SENP5: variants seen among roughly 807,000 people sequenced by gnomAD.
SENP5 encodes SUMO specific peptidase 5.
A neutral mutation model predicts 74.2 loss-of-function variants in SENP5; 21 were observed. The ratio of observed to expected loss-of-function variants is 0.28; its 90% CI spans 0.20 to 0.41. The LOEUF (loss-of-function observed/expected upper bound fraction) is 0.41. Among genes scored for constraint, SENP5 ranks in the 10% least tolerant of loss-of-function variants. The probability of loss-of-function intolerance (pLI) is 1.00; values close to 1 mark genes in which losing one functional copy is unlikely to be tolerated. For synonymous variants in SENP5, 311 were observed against 312.7 expected (o/e 0.99, Z 0.06); for missense variants, 717 against 889.1 (o/e 0.81, Z 2.46).
chr3:196,930,973 G>T lies in SENP5; in HGVS notation c.*50G>T. 1.7e-6 allele frequency: 2 copies of T among 1,166,436 alleles called. No individual in the cohort carries two copies. Among genetic ancestry groups the T allele is most frequent in the South Asian group, 1.2e-5 (1 of 81,232 alleles). The allele number at this position is 1,166,436 out of a possible 1,614,324, so 72.3% of individuals were successfully genotyped here. ...CTGACCAAGTTGGAGCAGATGGTTT[G>T]TTACTTGAATCTCCAAACACTTAGT... On this transcript the variant is annotated 3_prime_UTR_variant, in exon 10 of 10. Coordinates refer to ENST00000323460, the MANE Select transcript of SENP5 (RefSeq NM_152699.5).
chr3:196,903,569 G>A lies in SENP5; in HGVS notation c.1843G>A (p.Val615Ile). The A allele has an allele frequency of 1.2e-6, 2 of 1,609,026 alleles. No homozygotes were observed. Among genetic ancestry groups the A allele is most frequent in the East Asian group, 2.2e-5 (1 of 44,828 alleles). The change falls in exon 6 of 10, where the codon GTA becomes ATA. Residue 615 changes from valine (V) to isoleucine (I), a missense_variant. Val to Ile is a conservative substitution (Grantham distance 29). Around this residue, in one of 4 missense-constraint regions of SENP5, gnomAD observed 85 missense variants for 188.9 expected, o/e 0.45. Transcript: ENST00000323460. The part of the protein sequence containing the change: ...FFNSFFHRQL[V>I]TKGYNGVKRW... ...CAACAGCTTTTTTCATAGACAGCTG[G>A]TAACCAAAGGATATAATGGAGTAAA... is the stretch of plus-strand genomic sequence containing the variant.
intron 1 of SENP5, among the ~76,000 whole-genome samples, chr3:196,877,039 G>A (rs994110978): frequency 6.6e-6 from 1 of 152,022 alleles, no homozygotes; most frequent in Non-Finnish European, 1.5e-5. Context: ...TTTGCTTTTG[G>A]CTGGGCATGG....
At chr3:196,896,486 G>T (rs56318472) in intron 2 of SENP5, among the ~76,000 whole-genome samples, 1 of 151,954 alleles carries the variant, frequency 6.6e-6, no homozygotes, top group African/African-American at 2.4e-5. Context: ...ATGAGGTCTC[G>T]CTCTGTTGCC....
intron 1 of SENP5, among the ~76,000 whole-genome samples, chr3:196,876,362 A>C (rs1460976174): frequency 2.0e-5 from 3 of 152,050 alleles, no homozygotes; most frequent in African/African-American, 7.2e-5. Flanking sequence ...TCTCTACTAA[A>C]AATACAAAAA....
intron 1 of SENP5, among the ~76,000 whole-genome samples, chr3:196,870,804 C>T (rs542239166): frequency 6.6e-6 from 1 of 152,130 alleles, no homozygotes; most frequent in East Asian, 1.9e-4. Flanking sequence ...AGGTGTGAGC[C>T]ACTGTATCCG....
rs61689704 is a variant in SENP5, at chr3:196,929,421, C to T, written c.2107-212C>T. On this transcript the variant is annotated intron_variant, in intron 8 of 9. Coordinates refer to ENST00000323460, the MANE Select transcript of SENP5 (RefSeq NM_152699.5). ...TCCCATTTCTCATATTTAGGTAAAA[C>T]ATTGTCCTATAAATTGGGGTTGCCA... 5.5e-3 allele frequency: 2,641 copies of T among 480,312 alleles called. 41 individuals carry two copies. Among genetic ancestry groups the T allele is most frequent in the African/African-American group, 0.04 (1,945 of 49,072 alleles). 29.8% of individuals were successfully genotyped at this position (480,312 alleles called of 1,614,324 possible).
intron 6 of SENP5, among the ~76,000 whole-genome samples, chr3:196,908,567 T>C (rs1251106371): frequency 2.0e-5 from 3 of 152,174 alleles, no homozygotes; most frequent in African/African-American, 4.8e-5. Flanking sequence ...CTCATGCCTG[T>C]AATCCCAGCA....
intron 2 of SENP5, among the ~76,000 whole-genome samples, chr3:196,896,699 C>T (rs148791030): frequency 8.8e-4 from 134 of 152,172 alleles, no homozygotes; most frequent in African/African-American, 2.9e-3. Context: ...GTGATCCACC[C>T]GCCTTCCAAA....
In SENP5 at chr3:196,897,975, C is replaced by G. The variant is rs112006335; in HGVS notation, c.1514-1691C>G. Among the ~76,000 whole-genome samples, 1,072 of 151,326 alleles carry G rather than the reference C, an allele frequency of 7.1e-3. 10 individuals carry two copies. The highest frequency in any genetic ancestry group is 0.025 in the African/African-American group (1,016 of 41,214). Reference sequence around the variant, plus strand: ...TCACCTGAGGTCAGGAGTTCGAGACCAGCCTGGCCAACATGGTGAAACCCC... The same window carrying G: ...TCACCTGAGGTCAGGAGTTCGAGACGAGCCTGGCCAACATGGTGAAACCCC... On this transcript the variant is annotated intron_variant, in intron 2 of 9. Coordinates refer to ENST00000323460, the MANE Select transcript of SENP5 (RefSeq NM_152699.5).
Position 196,931,892 on chromosome 3 carries a change from A to T in SENP5, c.*969A>T. 2.2e-6 allele frequency: 1 copy of T among 453,552 alleles called. No homozygotes were observed. The highest frequency in any genetic ancestry group is 2.4e-5 in the Admixed American group (1 of 41,922). 28.1% of individuals were successfully genotyped at this position (453,552 alleles called of 1,614,324 possible). A position where few individuals can be genotyped will look rare whatever the true frequency, so the allele number is the denominator to read the frequency against. On this transcript the variant is annotated 3_prime_UTR_variant, in exon 10 of 10. Transcript: ENST00000323460. ...CGTAAACATTCAAAACTGAAGGCTG[A>T]CTGACTTGAGATGTTTTGCAGGTGG...
chr3:196,918,177 G>A (rs1201353255), intron 6 of SENP5, among the ~76,000 whole-genome samples: 2 of 151,592 alleles, frequency 1.3e-5, no homozygotes, highest in African/African-American at 2.4e-5. Context: ...CGCGGTGGCG[G>A]GCGCCTGTAG....
At chr3:196,874,941 T>C (rs1252422235) in intron 1 of SENP5, among the ~76,000 whole-genome samples, 1 of 152,194 alleles carries the variant, frequency 6.6e-6, no homozygotes, top group East Asian at 1.9e-4. Context: ...CTTCTACCTT[T>C]TACAAATTCT....
In SENP5 at chr3:196,903,616, C is replaced by G; in HGVS notation, c.1884+6C>G. 6.5e-7 allele frequency: 1 copy of G among 1,542,934 alleles called. No individual in the cohort carries two copies. Among genetic ancestry groups the G allele is most frequent in the South Asian group, 1.2e-5 (1 of 84,856 alleles). On this transcript the variant is annotated splice_donor_region_variant and intron_variant, in intron 6 of 9. Coordinates refer to ENST00000323460, the MANE Select transcript of SENP5 (RefSeq NM_152699.5). ...TAAAAAGATGGACTAAAAAGGTATT[C>G]TCTTTATTTCTTTTTTATTCCAAAT...
intron 2 of SENP5, among the ~76,000 whole-genome samples, chr3:196,893,667 T>C (rs1714309848): frequency 6.6e-6 from 1 of 152,136 alleles, no homozygotes; most frequent in Non-Finnish European, 1.5e-5. Flanking sequence ...CCCAGCACTT[T>C]GGGAGGCCGA....
At chr3:196,901,574 A>G (rs559369974) in intron 5 of SENP5, among the ~76,000 whole-genome samples, 1 of 152,322 alleles carries the variant, frequency 6.6e-6, no homozygotes, top group South Asian at 2.1e-4. Context: ...CAAGTGCTGT[A>G]TAAAACTTAC....
In SENP5 at chr3:196,867,984, C is replaced by T. The variant is rs1340572244; in HGVS notation, c.-121C>T. Reference sequence around the variant, plus strand: ...GACGCCTCGTCGCTGGCGGGGCTTCCCTTGGAGCTGACGAAGGCGGGGTCC... The same window carrying T: ...GACGCCTCGTCGCTGGCGGGGCTTCTCTTGGAGCTGACGAAGGCGGGGTCC... On this transcript the variant is annotated 5_prime_UTR_variant, in exon 1 of 10. Coordinates refer to ENST00000323460, the MANE Select transcript of SENP5 (RefSeq NM_152699.5). 2 of 152,116 alleles carry T rather than the reference C, an allele frequency of 1.3e-5. No homozygotes were observed. The highest frequency in any genetic ancestry group is 2.9e-5 in the Non-Finnish European group (2 of 68,010). The allele number at this position is 152,116 out of a possible 1,614,324, so 9.4% of individuals were successfully genotyped here. A position where few individuals can be genotyped will look rare whatever the true frequency, so the allele number is the denominator to read the frequency against.
chr3:196,914,218 C>CA (rs1344555514), intron 6 of SENP5: 2 of 152,084 alleles, frequency 1.3e-5, no homozygotes, highest in African/African-American at 4.8e-5. Flanking sequence ...TGACCTGTTA[C>CA]AGCACAGAAG....
intron 6 of SENP5, among the ~76,000 whole-genome samples, chr3:196,918,164 G>A (rs796177783): frequency 2.6e-4 from 40 of 151,918 alleles, no homozygotes; most frequent in African/African-American, 8.5e-4. Context: ...AAAATTAGCC[G>A]GGCGCGGTGG....
chr3:196,924,356 A>G (rs1037996951), intron 7 of SENP5, among the ~76,000 whole-genome samples: 10 of 152,220 alleles, frequency 6.6e-5, no homozygotes, highest in African/African-American at 2.2e-4. Context: ...GACAATAACT[A>G]TCCAGAATAC....
Sources: gnomAD v4.1 joint callset for allele counts (sites outside exome capture counted in the v4.1 genomes callset) on GRCh38, gnomAD v4.1.1 for gene constraint, gnomAD v4.1.1 regional missense constraint, MANE v1.5 for transcripts, NCBI Gene and HGNC (gene_info 2026-07-23, HGNC 2026-07-21) for gene names.